Variants in CFAP70 observed in about 807,000 individuals in gnomAD.
CFAP70 encodes the protein cilia- and flagella-associated protein 70.
CFAP70 carries 81 observed loss-of-function variants against 137.6 expected under a neutral mutation model. The ratio of observed to expected loss-of-function variants is 0.59; its 90% CI spans 0.49 to 0.71. The LOEUF is 0.71. Ranked by LOEUF, CFAP70 falls within the 30% of genes least tolerant of loss-of-function variation. CFAP70 has a pLI of 0.00. For synonymous variants in CFAP70, 382 were observed against 423.6 expected (o/e 0.90, Z 1.20); for missense variants, 976 against 1,226.7 (o/e 0.80, Z 3.05).
intron 1 of CFAP70, among the ~76,000 whole-genome samples, chr10:73,356,181 A>G (rs2132576867): frequency 6.6e-6 from 1 of 152,102 alleles, no homozygotes; most frequent in South Asian, 2.1e-4. Flanking sequence ...GTTTTTTGGA[A>G]AAGGTCTTTT....
chr10:73,345,372 G>C (rs1361318918), intron 4 of CFAP70, 128 bp from the exon 6 acceptor site: 1 of 845,780 alleles, frequency 1.2e-6, no homozygotes, highest in African/African-American at 1.7e-5. Context: ...TCCATAAGTT[G>C]AAACCATGTT....
intron 8 of CFAP70, among the ~76,000 whole-genome samples, chr10:73,323,466 A>G (rs1279653071): frequency 6.6e-6 from 1 of 152,170 alleles, no homozygotes; most frequent in African/African-American, 2.4e-5. Context: ...GGTGCCAGAC[A>G]GTGGGCACAG....
In CFAP70 at chr10:73,302,709, G is replaced by A. The variant is rs1339362378; in HGVS notation, c.1257-3044C>T. 2.0e-5 allele frequency among the ~76,000 whole-genome samples: 3 copies of A among 152,062 alleles called. No homozygotes were observed. In the South Asian group the frequency reaches 6.2e-4, roughly 32 times the overall value. ...TTTTAATGTGCATTTATTTTATTAC[G>A]GAAATAGTTTAGTTTCTTTTCATAT... On this transcript the variant is annotated intron_variant, in intron 12 of 26. Transcript: ENST00000310715.
At chr10:73,311,586 A>G (rs1345332767) in intron 11 of CFAP70, among the ~76,000 whole-genome samples, 1 of 152,238 alleles carries the variant, frequency 6.6e-6, no homozygotes, top group Non-Finnish European at 1.5e-5. Context: ...ATAATGTTTA[A>G]CATAGTAGAA....
intron 15 of CFAP70, chr10:73,296,467 A>T (rs1440606182): frequency 2.6e-5 from 4 of 152,344 alleles, no homozygotes; most frequent in South Asian, 2.1e-4. Context: ...AGACACTACC[A>T]GGGGACAAAA....
rs572015490 is a variant in CFAP70, at chr10:73,288,764, A to C, written c.2239+2462T>G. ...AGGTACCAAATGGACCAGACTATAG[A>C]ACTTGGAAGTATGGGTCCAATTAAC... On this transcript the variant is annotated intron_variant, in intron 19 of 26. Coordinates refer to ENST00000310715, the Ensembl canonical transcript of CFAP70. Among the ~76,000 whole-genome samples, 10 of 152,326 alleles carry C rather than the reference A, an allele frequency of 6.6e-5. No individual in the cohort carries two copies. The South Asian group carries it at 2.1e-3, about 32-fold the overall frequency.
At chr10:73,261,125 CTT>C (rs200438757) in intron 25 of CFAP70, among the ~76,000 whole-genome samples, 5,012 of 141,576 alleles carry the variant, frequency 0.035, 232 homozygotes, top group African/African-American at 0.11. Flanking sequence ...CATTGTCTAT[CTT>C]TTTTTTTTTT....
In CFAP70 at chr10:73,285,314, G is replaced by A. The variant is rs571614626; in HGVS notation, c.2239+5912C>T. Among the ~76,000 whole-genome samples the A allele has an allele frequency of 9.9e-5, 15 of 152,122 alleles. No individual in the cohort carries two copies. The East Asian group carries it at 1.2e-3, about 12-fold the overall frequency. On this transcript the variant is annotated intron_variant, in intron 19 of 26. Transcript: ENST00000310715. ...ATATATATTTCCTTATTCTTATTTC[G>A]AAAATCTCACTAAAATGAGAATTTA...
exon 2 of CFAP70, chr10:73,354,743 T>A: frequency 6.2e-7 from 1 of 1,613,984 alleles, no homozygotes; most frequent in South Asian, 1.1e-5. Flanking sequence ...CCAAATCATA[T>A]CCCTCTGTCA....
intron 5 of CFAP70, among the ~76,000 whole-genome samples, chr10:73,343,732 A>T (rs2132440209): frequency 6.6e-6 from 1 of 152,214 alleles, no homozygotes. Context: ...AAAGCAAAAA[A>T]GAATTCTAGG....
At chr10:73,299,463 ATG>A in intron 13 of CFAP70, 140 bp downstream of exon 14, 1 of 676,806 alleles carries the variant, frequency 1.5e-6, no homozygotes, top group Non-Finnish European at 2.5e-6. Flanking sequence ...TTGATCACAA[ATG>A]GAACCAGCAA....
chr10:73,272,824 G>T, intron 24 of CFAP70, 104 bp downstream of exon 25: 1 of 981,318 alleles, frequency 1.0e-6, no homozygotes, highest in Non-Finnish European at 1.6e-6. Flanking sequence ...AGACAGCCCT[G>T]ATTGCTATTC....
chr10:73,314,073 T>A (rs1302971341), intron 9 of CFAP70, among the ~76,000 whole-genome samples: 3 of 152,328 alleles, frequency 2.0e-5, no homozygotes, highest in South Asian at 2.1e-4. Flanking sequence ...AACAATTTTT[T>A]AATTAAAGAA....
chr10:73,340,029 G>A (rs1484127982), intron 6 of CFAP70, among the ~76,000 whole-genome samples: 1 of 152,226 alleles, frequency 6.6e-6, no homozygotes, highest in Non-Finnish European at 1.5e-5. Flanking sequence ...CAAGCGGAGG[G>A]TGAGCAAAGC....
At chr10:73,256,902 C>CAA (rs55805225) in intron 25 of CFAP70, among the ~76,000 whole-genome samples, 102 of 57,208 alleles carry the variant, frequency 1.8e-3, no homozygotes, top group Admixed American at 2.1e-3. Flanking sequence ...GACTCCATCT[C>CAA]AAAAAAAAAA....
chr10:73,326,472 G>C (rs2051435061), intron 8 of CFAP70, among the ~76,000 whole-genome samples: 1 of 147,122 alleles, frequency 6.8e-6, no homozygotes, highest in Non-Finnish European at 1.5e-5. Flanking sequence ...CAGAAGGCAA[G>C]AAATAACTAA....
chr10:73,353,710 A>G (rs779120231), exon 3 of CFAP70: 15 of 1,614,222 alleles, frequency 9.3e-6, no homozygotes, highest in Non-Finnish European at 1.3e-5. Context: ...CTGCTCGAAT[A>G]AAGGTAACTG....
At chr10:73,312,693 G>A (rs185550347) in intron 9 of CFAP70, 50 bp from the exon 11 acceptor site, 3 of 1,430,640 alleles carry the variant, frequency 2.1e-6, no homozygotes, top group Admixed American at 2.5e-5. Flanking sequence ...AGACAAACTT[G>A]AAAGAAATAC....
chr10:73,352,702 A>G lies in CFAP70; in HGVS notation c.250+854T>C, dbSNP rs79798111. The stretch of plus-strand genomic sequence containing the variant: ...CAGTGGGAGGAATAGAGAAAAGTAC[A>G]TCTATTCCATCTTCTCAAAAGTTCT... On this transcript the variant is annotated intron_variant, in intron 3 of 26. Transcript: ENST00000310715. 5.9e-3 allele frequency among the ~76,000 whole-genome samples: 897 copies of G among 152,298 alleles called. 14 individuals are homozygous for G. Among genetic ancestry groups the G allele is most frequent in the African/African-American group, 0.021 (859 of 41,574 alleles).
Sources: allele counts gnomAD v4.1 joint callset (sites outside exome capture counted in the v4.1 genomes callset), GRCh38; gene constraint gnomAD v4.1.1; transcripts MANE v1.5; gene names NCBI Gene and HGNC (gene_info 2026-07-23, HGNC 2026-07-21).